GULP1: variants seen among roughly 807,000 people sequenced by gnomAD.
GULP1 encodes the protein GULP PTB domain containing engulfment adaptor 1.
GULP1 carries 19 observed loss-of-function variants against 40.9 expected under a neutral mutation model. The observed-to-expected ratio is 0.46, with a 90% confidence interval of 0.32 to 0.68. The LOEUF (loss-of-function observed/expected upper bound fraction) is 0.68. Among genes scored for constraint, GULP1 ranks in the 30% least tolerant of loss-of-function variants. The probability of loss-of-function intolerance (pLI) is 0.03; values close to 1 mark genes in which losing one functional copy is unlikely to be tolerated. For missense variants in GULP1, 312 were observed against 362.2 expected, an observed-to-expected ratio of 0.86 and a Z score of 1.12; for synonymous variants, 119 against 117.6, an observed-to-expected ratio of 1.01 and a Z score of -0.08.
At chr2:188,376,098 A>C (rs2048265444) in intron 1 of GULP1, among the ~76,000 whole-genome samples, 4 of 152,176 alleles carry the variant, frequency 2.6e-5, no homozygotes. Flanking sequence ...ATTAAAAAAA[A>C]AATCTACCTG....
intron 2 of GULP1, among the ~76,000 whole-genome samples, chr2:188,437,089 A>G (rs1446455259): frequency 6.6e-6 from 1 of 152,068 alleles, no homozygotes; most frequent in East Asian, 1.9e-4. Context: ...GTATGTGAAA[A>G]CTATCAAATT....
Position 188,569,175 on chromosome 2 carries a change from T to G in GULP1, c.400-64T>G, listed in dbSNP as rs190142414. 23 of 854,294 alleles carry G rather than the reference T, an allele frequency of 2.7e-5. No individual in the cohort carries two copies. The African/African-American group carries it at 3.7e-4, about 14-fold the overall frequency. The allele number at this position is 854,294 out of a possible 1,614,324, so 52.9% of individuals were successfully genotyped here. A position where few individuals can be genotyped will look rare whatever the true frequency, so the allele number is the denominator to read the frequency against. On this transcript the variant is annotated intron_variant, in intron 7 of 11. Transcript: ENST00000409830. The stretch of plus-strand genomic sequence containing the variant: ...AGTAAGTGCTTATATGAATGTTGTT[T>G]TCTCGATTCAAAAACAGTTTGACAT...
chr2:188,314,070 G>A (rs4361092), intron 1 of GULP1, among the ~76,000 whole-genome samples: 36,940 of 151,290 alleles, frequency 0.24, 4,985 homozygotes, highest in African/African-American at 0.37. Flanking sequence ...TCTAGTGCTG[G>A]CATGAAGTCT....
Position 188,567,329 on chromosome 2 carries a change from C to T in GULP1, c.400-1910C>T, listed in dbSNP as rs1003460110. On this transcript the variant is annotated intron_variant, in intron 7 of 11. Coordinates refer to ENST00000409830, the MANE Select transcript of GULP1 (RefSeq NM_016315.4). ...TCATGCTACTATAAAGACAAATGCACGCGTATGTTTATTGCAGCACTATTT... is the reference window on the plus strand; with the variant it reads ...TCATGCTACTATAAAGACAAATGCATGCGTATGTTTATTGCAGCACTATTT... Among the ~76,000 whole-genome samples the T allele has an allele frequency of 5.9e-5, 9 of 152,072 alleles. No homozygotes were observed. In the East Asian group the frequency reaches 1.2e-3, roughly 20 times the overall value.
At chr2:188,582,536 G>A in intron 9 of GULP1, 2 of 471,408 alleles carry the variant, frequency 4.2e-6, no homozygotes, top group South Asian at 1.5e-5. Context: ...TCCCAAGCCA[G>A]TCAGTGAGAG....
chr2:188,514,079 G>GTGTGTGTGTGTGTT (rs2064920040), intron 4 of GULP1, among the ~76,000 whole-genome samples: 1 of 150,334 alleles, frequency 6.7e-6, no homozygotes, highest in Non-Finnish European at 1.5e-5. Context: ...GTGTGTGTGT[G>GTGTGTGTGTGTGTT]TGTGCGCCCT....
At chr2:188,388,469 G>A (rs1374713972) in intron 2 of GULP1, among the ~76,000 whole-genome samples, 1 of 151,940 alleles carries the variant, frequency 6.6e-6, no homozygotes, top group Non-Finnish European at 1.5e-5. Context: ...CTTGAGTCCA[G>A]GAGGTGAAGG....
At chr2:188,314,092 G>A (rs73036412) in intron 1 of GULP1, among the ~76,000 whole-genome samples, 12,087 of 151,590 alleles carry the variant, frequency 0.08, 948 homozygotes, top group African/African-American at 0.19. Flanking sequence ...AACACTGTCT[G>A]TAGAGTCGTT....
At chr2:188,563,706 C>CT (rs1696929348) in intron 7 of GULP1, among the ~76,000 whole-genome samples, 1 of 151,606 alleles carries the variant, frequency 6.6e-6, no homozygotes, top group South Asian at 2.1e-4. Context: ...TAAAACATTT[C>CT]TTTTTAAAAT....
intron 2 of GULP1, among the ~76,000 whole-genome samples, chr2:188,423,197 A>C (rs1559224220): frequency 6.6e-6 from 1 of 152,042 alleles, no homozygotes; most frequent in Non-Finnish European, 1.5e-5. Flanking sequence ...GTTGCACCAC[A>C]CTCAAAATAG....
chr2:188,422,461 C>G (rs1288432187), intron 2 of GULP1, among the ~76,000 whole-genome samples: 1 of 151,328 alleles, frequency 6.6e-6, no homozygotes, highest in Non-Finnish European at 1.5e-5. Flanking sequence ...TATAGACCTT[C>G]CCCTTAACCC....
chr2:188,411,326 A>G (rs1393478650), intron 2 of GULP1, among the ~76,000 whole-genome samples: 2 of 152,176 alleles, frequency 1.3e-5, no homozygotes, highest in African/African-American at 4.8e-5. Flanking sequence ...ATATGGTGCC[A>G]TATCGAAGGC....
At chr2:188,428,071 C>A (rs1305106270) in intron 2 of GULP1, among the ~76,000 whole-genome samples, 2 of 152,202 alleles carry the variant, frequency 1.3e-5, no homozygotes, top group Non-Finnish European at 2.9e-5. Context: ...TATTTCAAAG[C>A]CTTAATATTT....
intron 11 of GULP1, chr2:188,589,569 A>C (rs2153473896): frequency 2.5e-6 from 1 of 395,514 alleles, no homozygotes; most frequent in East Asian, 3.8e-5. Flanking sequence ...ATGGAGTTTT[A>C]AGGATAAGCC....
chr2:188,536,378 G>A (rs1040932268), intron 6 of GULP1, among the ~76,000 whole-genome samples: 3 of 152,046 alleles, frequency 2.0e-5, no homozygotes, highest in African/African-American at 4.8e-5. Context: ...GTAAAAGGTA[G>A]GGGTCCAGTT....
intron 1 of GULP1, among the ~76,000 whole-genome samples, chr2:188,308,985 G>A (rs2037609343): frequency 2.0e-5 from 3 of 152,154 alleles, no homozygotes; most frequent in Admixed American, 2.0e-4. Context: ...TTGGGGAGCA[G>A]GCAGCATCAG....
chr2:188,448,667 A>G (rs1222460050), intron 2 of GULP1, among the ~76,000 whole-genome samples: 3 of 152,180 alleles, frequency 2.0e-5, no homozygotes, highest in African/African-American at 7.2e-5. Flanking sequence ...CATATGTGAT[A>G]TGGTTTGAGT....
intron 11 of GULP1, chr2:188,589,958 T>C: frequency 3.2e-6 from 1 of 315,244 alleles, no homozygotes; most frequent in South Asian, 1.3e-4. Flanking sequence ...GTTCACTTCA[T>C]TGTTTCCTTT....
intron 2 of GULP1, among the ~76,000 whole-genome samples, chr2:188,430,989 C>T (rs566967590): frequency 5.3e-5 from 8 of 152,272 alleles, no homozygotes; most frequent in Admixed American, 2.6e-4. Context: ...CATATTTTCA[C>T]GTCTTTCCAT....
Sources: gnomAD v4.1 joint callset for allele counts (sites outside exome capture counted in the v4.1 genomes callset) on GRCh38, gnomAD v4.1.1 for gene constraint, MANE v1.5 for transcripts, NCBI Gene and HGNC (gene_info 2026-07-23, HGNC 2026-07-21) for gene names.